RBFOX1: variants seen among roughly 807,000 people sequenced by gnomAD.
RBFOX1 encodes the protein RNA binding protein fox-1 homolog 1.
In RBFOX1, 8 loss-of-function variants were observed where a neutral mutation model predicts 57.7. That is an observed-to-expected ratio of 0.14 (90% CI 0.08 to 0.25). RBFOX1 has a LOEUF of 0.25. RBFOX1 is among the 10% of genes least tolerant of loss of function. The probability of loss-of-function intolerance (pLI) is 1.00; values close to 1 mark genes in which losing one functional copy is unlikely to be tolerated. For synonymous variants in RBFOX1, 326 were observed against 222.4 expected (o/e 1.47, Z -4.15); for missense variants, 611 against 548.5 (o/e 1.11, Z -1.14).
intron 1 of RBFOX1, among the ~76,000 whole-genome samples, chr16:6,284,487 G>A (rs761846866): frequency 2.0e-5 from 3 of 152,138 alleles, no homozygotes; most frequent in Non-Finnish European, 2.9e-5. Context: ...ACTGCAGGTG[G>A]GTGGGCTGCG....
chr16:6,848,437 C>A (rs1242746608), intron 3 of RBFOX1, among the ~76,000 whole-genome samples: 4 of 152,136 alleles, frequency 2.6e-5, no homozygotes, highest in African/African-American at 9.7e-5. Context: ...CTTCTGTTGA[C>A]CACACATGGC....
At chr16:6,387,471 G>GA (rs36100228) in intron 2 of RBFOX1, among the ~76,000 whole-genome samples, 19,160 of 129,788 alleles carry the variant, frequency 0.15, 1,577 homozygotes, top group African/African-American at 0.25. Context: ...ACTTGATTAG[G>GA]AAAAAAAAAA....
At chr16:5,582,224 G>T (rs988514656) in intron 2 of RBFOX1, among the ~76,000 whole-genome samples, 1 of 152,164 alleles carries the variant, frequency 6.6e-6, no homozygotes, top group Non-Finnish European at 1.5e-5. Flanking sequence ...CTGGGGTAGC[G>T]ACAGGCTGGT....
chr16:5,477,939 G>A (rs1444402336), intron 2 of RBFOX1, among the ~76,000 whole-genome samples: 1 of 152,152 alleles, frequency 6.6e-6, no homozygotes, highest in South Asian at 2.1e-4. Flanking sequence ...CCCAAATGCA[G>A]TTCTCCTTGG....
chr16:7,568,244 A>G (rs2092342402), intron 5 of RBFOX1, among the ~76,000 whole-genome samples: 1 of 152,142 alleles, frequency 6.6e-6, no homozygotes, highest in South Asian at 2.1e-4. Context: ...GCCTGTTTTT[A>G]TGATTATTTC....
At chr16:7,547,118 G>T (rs1185605292) in intron 5 of RBFOX1, among the ~76,000 whole-genome samples, 2 of 152,000 alleles carry the variant, frequency 1.3e-5, no homozygotes, top group South Asian at 2.1e-4. Flanking sequence ...GAGTGATAAT[G>T]GTTTCTAAAC....
intron 1 of RBFOX1, among the ~76,000 whole-genome samples, chr16:5,269,025 C>T (rs1300991856): frequency 6.6e-6 from 1 of 152,164 alleles, no homozygotes; most frequent in Non-Finnish European, 1.5e-5. Context: ...AGTTACTCTC[C>T]TGCCTCAGCT....
At chr16:7,055,584 A>C (rs1186122946) in intron 4 of RBFOX1, among the ~76,000 whole-genome samples, 2 of 152,154 alleles carry the variant, frequency 1.3e-5, no homozygotes, top group African/African-American at 4.8e-5. Flanking sequence ...TACTGCAGGA[A>C]AATAATTCCC....
At chr16:6,329,951 A>C (rs541539220) in intron 2 of RBFOX1, among the ~76,000 whole-genome samples, 1 of 152,106 alleles carries the variant, frequency 6.6e-6, no homozygotes, top group South Asian at 2.1e-4. Context: ...ACAAATAACA[A>C]CAACAAAAAC....
chr16:7,195,150 A>T (rs981249919), intron 4 of RBFOX1, among the ~76,000 whole-genome samples: 1 of 152,056 alleles, frequency 6.6e-6, no homozygotes, highest in South Asian at 2.1e-4. Context: ...TGTGCCTCAT[A>T]TTGCATTTCT....
intron 2 of RBFOX1, among the ~76,000 whole-genome samples, chr16:6,635,678 C>G (rs1398321844): frequency 2.0e-5 from 3 of 152,100 alleles, no homozygotes; most frequent in Non-Finnish European, 4.4e-5. Context: ...TCCAATGAGT[C>G]TTACGGTTTT....
At chr16:6,078,926 G>C (rs947186677) in intron 1 of RBFOX1, among the ~76,000 whole-genome samples, 5 of 152,188 alleles carry the variant, frequency 3.3e-5, no homozygotes, top group Non-Finnish European at 7.3e-5. Flanking sequence ...ATCTGTCACA[G>C]CATCCCAGTT....
chr16:7,336,015 C>T (rs1442706573), intron 4 of RBFOX1, among the ~76,000 whole-genome samples: 1 of 152,190 alleles, frequency 6.6e-6, no homozygotes, highest in African/African-American at 2.4e-5. Context: ...CTGCTTTCCC[C>T]CTTGATAGAG....
At chr16:7,416,366 A>T (rs950530504) in intron 4 of RBFOX1, among the ~76,000 whole-genome samples, 1 of 152,190 alleles carries the variant, frequency 6.6e-6, no homozygotes, top group Non-Finnish European at 1.5e-5. Context: ...ATCAGAATAG[A>T]GGTTTTTATT....
chr16:6,738,195 G>C (rs1053254062), intron 3 of RBFOX1, among the ~76,000 whole-genome samples: 3 of 152,012 alleles, frequency 2.0e-5, no homozygotes, highest in Non-Finnish European at 4.4e-5. Context: ...ACAATGGTTT[G>C]CATAACACTG....
intron 6 of RBFOX1, among the ~76,000 whole-genome samples, chr16:7,585,421 T>C (rs2094053053): frequency 6.6e-6 from 1 of 152,246 alleles, no homozygotes; most frequent in Admixed American, 6.5e-5. Flanking sequence ...GGCGTTTCCA[T>C]TGTGCATGCA....
chr16:5,859,082 G>A (rs949593447), intron 3 of RBFOX1, among the ~76,000 whole-genome samples: 1 of 152,192 alleles, frequency 6.6e-6, no homozygotes, highest in African/African-American at 2.4e-5. Flanking sequence ...GTGGGTGCCT[G>A]TGGTCCCAGC....
At chr16:6,543,517 C>T (rs2096853501) in intron 2 of RBFOX1, among the ~76,000 whole-genome samples, 1 of 152,110 alleles carries the variant, frequency 6.6e-6, no homozygotes. Flanking sequence ...GATCTTTCCG[C>T]CTGCATTTTG....
chr16:6,878,571 G>T (rs150539570), intron 3 of RBFOX1, among the ~76,000 whole-genome samples: 1 of 152,116 alleles, frequency 6.6e-6, no homozygotes, highest in African/African-American at 2.4e-5. Flanking sequence ...ATCACATGGC[G>T]CATCCTGACT....
Sources: gnomAD v4.1 joint callset for allele counts (sites outside exome capture counted in the v4.1 genomes callset) on GRCh38, gnomAD v4.1.1 for gene constraint, MANE v1.5 for transcripts, NCBI Gene and HGNC (gene_info 2026-07-23, HGNC 2026-07-21) for gene names.